The following ARFGAP2 variants were observed in gnomAD, a reference collection of about 807,000 sequenced individuals.
The protein encoded by ARFGAP2 is ARF GTPase activating protein 2.
Under a neutral mutation model 71.9 loss-of-function variants are expected in ARFGAP2, and 45 were observed. The observed-to-expected ratio is 0.63, with a 90% confidence interval of 0.49 to 0.80. ARFGAP2 has a LOEUF of 0.80. ARFGAP2 is among the 30% of genes least tolerant of loss of function. The pLI, the probability that ARFGAP2 is intolerant of heterozygous loss-of-function variation, is 0.00. For synonymous variants in ARFGAP2, 248 were observed against 249.2 expected, an observed-to-expected ratio of 1.00 and a Z score of 0.05; for missense variants, 633 against 673.9, an observed-to-expected ratio of 0.94 and a Z score of 0.67.
Position 47,175,115 on chromosome 11 carries a change from A to G in ARFGAP2, c.397-17T>C, listed in dbSNP as rs1590961368. 6.2e-7 allele frequency: 1 copy of G among 1,614,012 alleles called. No homozygotes were observed. The stretch of plus-strand genomic sequence containing the variant: ...TATCCAAAGCTAGAAAGGAGAAGAC[A>G]CCCCTAAAACACAGGGCTCTGAATA... On this transcript the variant is annotated splice_polypyrimidine_tract_variant and intron_variant, in intron 4 of 15. Transcript: ENST00000524782.
intron 12 of ARFGAP2, 62 bp from the exon 13 acceptor site, chr11:47,166,948 A>AGAGGCCAAACAGAGCACC: frequency 6.3e-7 from 1 of 1,574,878 alleles, no homozygotes; most frequent in Non-Finnish European, 8.6e-7. Flanking sequence ...GGCAGAGTAC[A>AGAGGCCAAACAGAGCACC]GAGGCCAAAC....
rs1952696986 is a variant in ARFGAP2, at chr11:47,174,000, GAAGA to G, written c.481-164_481-161del. 70 of 1,380,274 alleles carry G rather than the reference GAAGA, an allele frequency of 5.1e-5. No homozygotes were observed. In the South Asian group the frequency reaches 9.0e-4, roughly 18 times the overall value. 85.5% of individuals were successfully genotyped at this position (1,380,274 alleles called of 1,614,324 possible). A position where few individuals can be genotyped will look rare whatever the true frequency, so the allele number is the denominator to read the frequency against. On this transcript the variant is annotated intron_variant, in intron 5 of 15. Coordinates refer to ENST00000524782, the MANE Select transcript of ARFGAP2 (RefSeq NM_032389.6). ...AAGATCACAGTTGCTATTCACTGTG[GAAGA>G]AAGCAGGAAGACAAGCAGCCCCCAC...
rs1952303507 is a variant in ARFGAP2 at position 47,165,318 on chromosome 11, A to G, written c.*164T>C. 5.2e-6 allele frequency: 4 copies of G among 776,276 alleles called. No individual in the cohort carries two copies. The highest frequency in any genetic ancestry group is 8.0e-6 in the Non-Finnish European group (4 of 501,290). 48.1% of individuals were successfully genotyped at this position (776,276 alleles called of 1,614,324 possible). A position where few individuals can be genotyped will look rare whatever the true frequency, so the allele number is the denominator to read the frequency against. ...CAGAGGACAAGGGCTGGTACTGACC[A>G]TTCCCCTCACAGGAGTGAGCGCCTC... On this transcript the variant is annotated 3_prime_UTR_variant, in exon 16 of 16. Transcript: ENST00000524782.
chr11:47,173,507 G>A, intron 6 of ARFGAP2, 25 bp from the exon 7 acceptor site: 1 of 1,544,308 alleles, frequency 6.5e-7, no homozygotes, highest in Admixed American at 2.0e-5. Context: ...GTAGGAGTTA[G>A]AGATGAGCTC....
chr11:47,172,185 A>C (rs1590955501), intron 8 of ARFGAP2, 96 bp downstream of exon 8: 1 of 1,251,216 alleles, frequency 8.0e-7, no homozygotes, highest in African/African-American at 1.5e-5. Context: ...CCTTTGCCAA[A>C]GTCATATAGC....
At position 47,166,556 on chromosome 11, in the gene ARFGAP2, G is replaced by A. The variant is rs1253762037; in HGVS notation, c.1376C>T (p.Ala459Val). 1 of 1,612,376 alleles carries A rather than the reference G, an allele frequency of 6.2e-7. No individual in the cohort carries two copies. The highest frequency in any genetic ancestry group is 8.5e-7 in the Non-Finnish European group (1 of 1,180,022). Residue 459 changes from alanine to valine, a missense_variant, in exon 14 of 16, where the codon GCC becomes GTC. Coordinates refer to ENST00000524782, the MANE Select transcript of ARFGAP2 (RefSeq NM_032389.6). ...CCCAAAGAGGTCTGAAGAGCTGATGGCACTGCTGCCTGAGAGCTGCTGCAG... is the reference window on the plus strand; with the variant it reads ...CCCAAAGAGGTCTGAAGAGCTGATGACACTGCTGCCTGAGAGCTGCTGCAG... ...SRLQQLSGSS[A>V]ISSSDLFGDM...
rs544648102 is a variant in ARFGAP2, at chr11:47,169,244, G to C, written c.942-993C>G. 4.6e-5 allele frequency: 7 copies of C among 151,858 alleles called. No homozygotes were observed. In the South Asian group the frequency reaches 8.3e-4, roughly 18 times the overall value. The allele number at this position is 151,858 out of a possible 1,614,324, so 9.4% of individuals were successfully genotyped here. ...CAGGAGAATGACGTGAACTTGGGGG[G>C]CGGAGCTTGCAGTGAGCCGAGATCG... On this transcript the variant is annotated intron_variant, in intron 10 of 15. Coordinates refer to ENST00000524782, the MANE Select transcript of ARFGAP2 (RefSeq NM_032389.6).
At chr11:47,168,274 G>C in intron 10 of ARFGAP2, 23 bp from the exon 11 acceptor site, 1 of 1,613,512 alleles carries the variant, frequency 6.2e-7, no homozygotes, top group Non-Finnish European at 8.5e-7. Flanking sequence ...GCAGAGCCAG[G>C]CATGAGACCA....
chr11:47,166,668 C>A, intron 13 of ARFGAP2, 69 bp from the exon 14 acceptor site: 5 of 1,601,200 alleles, frequency 3.1e-6, no homozygotes, highest in Non-Finnish European at 4.3e-6. Context: ...ACAGGCCAGG[C>A]CCTCCTGGTG....
In ARFGAP2 at chr11:47,174,709, T is replaced by C. The variant is rs565020109; in HGVS notation, c.480+306A>G. On this transcript the variant is annotated intron_variant, in intron 5 of 15. Transcript: ENST00000524782. ...TGCGCCCGGCCCACAGTGCCTTTCT[T>C]ATAGGGGAAGAATCCAGGAAAATTT... 1.8e-3 allele frequency: 592 copies of C among 320,618 alleles called. 5 individuals are homozygous for C. The highest frequency in any genetic ancestry group is 8.5e-3 in the South Asian group (270 of 31,818). The allele number at this position is 320,618 out of a possible 1,614,324, so 19.9% of individuals were successfully genotyped here.
At position 47,173,432 on chromosome 11, in the gene ARFGAP2, A is replaced by T. The variant is rs1294243590; in HGVS notation, c.613T>A (p.Ser205Thr). ...TGCCCGCTGGCATACTGACCCAGTG[A>T]GGCTTTGGGTGAGGTGCCAAGCAGG... ...TDLLGTSPKASLELKSSIIGK... is the reference protein window; with the variant it reads ...TDLLGTSPKATLELKSSIIGK... Residue 205 changes from serine (S) to threonine (T), a missense_variant, in exon 7 of 16, where the codon TCA becomes ACA. By Grantham distance (58) the Ser-to-Thr change is moderately conservative. Coordinates refer to ENST00000524782, the MANE Select transcript of ARFGAP2 (RefSeq NM_032389.6). The T allele has an allele frequency of 1.3e-6, 2 of 1,555,752 alleles. No individual in the cohort carries two copies. The highest frequency in any genetic ancestry group is 1.7e-6 in the Non-Finnish European group (2 of 1,149,362).
Position 47,164,383 on chromosome 11 carries a change from A to G in ARFGAP2, c.*1099T>C. 1.8e-6 allele frequency: 2 copies of G among 1,082,630 alleles called. No individual in the cohort carries two copies. Among genetic ancestry groups the G allele is most frequent in the Non-Finnish European group, 2.6e-6 (2 of 783,822 alleles). The allele number at this position is 1,082,630 out of a possible 1,614,324, so 67.1% of individuals were successfully genotyped here. ...GTTTCAATACAAACAGTCCAGAAAG[A>G]AAGTCAAGTCCCTCTGGGGGAGGGG... is the stretch of plus-strand genomic sequence containing the variant. On this transcript the variant is annotated 3_prime_UTR_variant, in exon 16 of 16. Transcript: ENST00000524782.
chr11:47,172,472 C>G, intron 7 of ARFGAP2, 139 bp from the exon 8 acceptor site: 1 of 1,153,730 alleles, frequency 8.7e-7, no homozygotes, highest in East Asian at 2.4e-5. Context: ...ACCACCAGCT[C>G]CAACCAGCGG....
chr11:47,175,119 C>G (rs768731791), intron 4 of ARFGAP2, 21 bp from the exon 5 acceptor site: 1 of 1,614,154 alleles, frequency 6.2e-7, no homozygotes, highest in South Asian at 1.1e-5. Flanking sequence ...GAAGACACCC[C>G]TAAAACACAG....
intron 12 of ARFGAP2, among the ~76,000 whole-genome samples, chr11:47,167,494 G>C (rs1196392113): frequency 6.6e-6 from 1 of 152,126 alleles, no homozygotes; most frequent in Non-Finnish European, 1.5e-5. Context: ...TAAAAAATAA[G>C]AAGGGGGCTG....
chr11:47,173,009 G>C (rs1952661861), intron 7 of ARFGAP2: 1 of 357,214 alleles, frequency 2.8e-6, no homozygotes, highest in Non-Finnish European at 5.4e-6. Context: ...AAGAGTTAAA[G>C]GACAGGCTGG....
At chr11:47,170,667 C>T (rs932664069) in intron 10 of ARFGAP2, among the ~76,000 whole-genome samples, 1 of 152,014 alleles carries the variant, frequency 6.6e-6, no homozygotes, top group African/African-American at 2.4e-5. Context: ...AATAAAAAGC[C>T]ATAGCAGCCA....
Position 47,166,603 on chromosome 11 carries a change from T to C in ARFGAP2, c.1333-4A>G. 6.2e-7 allele frequency: 1 copy of C among 1,611,670 alleles called. No homozygotes were observed. The highest frequency in any genetic ancestry group is 1.3e-5 in the African/African-American group (1 of 75,020). ...GCAGCCGAGACCTGGCCTCATACTGTGGTGAGGAAAAGGCCAGGCCTGGGG... is the reference window on the plus strand; with the variant it reads ...GCAGCCGAGACCTGGCCTCATACTGCGGTGAGGAAAAGGCCAGGCCTGGGG... On this transcript the variant is annotated splice_polypyrimidine_tract_variant and splice_region_variant and intron_variant, in intron 13 of 15. Transcript: ENST00000524782.
intron 5 of ARFGAP2, 118 bp downstream of exon 5, chr11:47,174,897 G>C (rs969889802): frequency 4.8e-6 from 5 of 1,047,526 alleles, no homozygotes; most frequent in Non-Finnish European, 7.3e-6. Context: ...TTCATACGTG[G>C]TGTCCAAGAC....
Sources: allele counts gnomAD v4.1 joint callset (sites outside exome capture counted in the v4.1 genomes callset), GRCh38; gene constraint gnomAD v4.1.1; transcripts MANE v1.5; gene names NCBI Gene and HGNC (gene_info 2026-07-23, HGNC 2026-07-21).